Variants in RGS20 observed in about 807,000 individuals in gnomAD.
RGS20 encodes the protein regulator of G protein signaling 20.
RGS20 carries 30 observed loss-of-function variants against 33.6 expected under a neutral mutation model. The ratio of observed to expected loss-of-function variants is 0.89; its 90% CI spans 0.67 to 1.21. The LOEUF (loss-of-function observed/expected upper bound fraction) is 1.21, where lower values mean the gene tolerates loss of function less well. Ranked by LOEUF, RGS20 falls within the 50% of genes most tolerant of loss-of-function variation. The pLI, the probability that RGS20 is intolerant of heterozygous loss-of-function variation, is 0.00. For synonymous variants in RGS20, 208 were observed against 197.9 expected (o/e 1.05, Z -0.43); for missense variants, 472 against 502.4 (o/e 0.94, Z 0.58).
intron 2 of RGS20, among the ~76,000 whole-genome samples, chr8:53,922,940 C>T (rs796623697): frequency 3.9e-5 from 6 of 152,272 alleles, no homozygotes; most frequent in African/African-American, 1.4e-4. Context: ...GGATTACAGG[C>T]ATGAGAAAAT....
At chr8:53,936,177 G>A (rs1814125078) in intron 2 of RGS20, among the ~76,000 whole-genome samples, 1 of 152,124 alleles carries the variant, frequency 6.6e-6, no homozygotes, top group African/African-American at 2.4e-5. Context: ...CATTCCCTTT[G>A]AAAACTGGCA....
rs546916062 is a variant in RGS20, at chr8:53,922,372, C to T, written c.511-17204C>T. The stretch of plus-strand genomic sequence containing the variant: ...AGATATATATTTTTCCATCCTTTTA[C>T]TTTCTATCTATTTGCATTTTTGAAT... On this transcript the variant is annotated intron_variant, in intron 2 of 5. Transcript: ENST00000297313. 4.7e-4 allele frequency among the ~76,000 whole-genome samples: 71 copies of T among 151,956 alleles called. 3 individuals carry two copies. The South Asian group carries it at 0.014, about 31-fold the overall frequency.
intron 2 of RGS20, among the ~76,000 whole-genome samples, chr8:53,923,096 C>T (rs1030510539): frequency 1.3e-5 from 2 of 152,116 alleles, no homozygotes; most frequent in Non-Finnish European, 2.9e-5. Context: ...TCTCTCCCTA[C>T]TGTTTTGTGG....
chr8:53,895,789 C>T (rs1361329107), intron 2 of RGS20, among the ~76,000 whole-genome samples: 1 of 151,756 alleles, frequency 6.6e-6, no homozygotes, highest in African/African-American at 2.4e-5. Context: ...GGACTACAGG[C>T]ACCCGGAACC....
Position 53,939,590 on chromosome 8 carries a change from G to A in RGS20, c.525G>A (p.Glu175=). The A allele has an allele frequency of 6.2e-7, 1 of 1,601,036 alleles. No individual in the cohort carries two copies. Among genetic ancestry groups the A allele is most frequent in the Non-Finnish European group, 8.5e-7 (1 of 1,174,290 alleles). ...CCCTCTTGCAGCAGATGGGATCAGA[G>A]CGGATGGAGATGCGGAAGCGGCAGA... Residue 175 remains glutamate, a synonymous_variant, in exon 3 of 6, where the codon GAG becomes GAA. Coordinates refer to ENST00000297313, the MANE Select transcript of RGS20 (RefSeq NM_170587.4).
At chr8:53,912,480 A>G (rs976238737) in intron 2 of RGS20, among the ~76,000 whole-genome samples, 2 of 151,818 alleles carry the variant, frequency 1.3e-5, no homozygotes, top group African/African-American at 4.8e-5. Flanking sequence ...CTTGAATCAC[A>G]TTTAACTTCA....
At chr8:53,956,586 C>T (rs1352821578) in intron 5 of RGS20, among the ~76,000 whole-genome samples, 2 of 152,116 alleles carry the variant, frequency 1.3e-5, no homozygotes, top group Non-Finnish European at 2.9e-5. Flanking sequence ...TCAAATGACT[C>T]CCATATGTCT....
intron 2 of RGS20, among the ~76,000 whole-genome samples, chr8:53,885,216 C>A (rs1812505632): frequency 6.6e-6 from 1 of 152,206 alleles, no homozygotes; most frequent in Admixed American, 6.5e-5. Context: ...TGAAATCCTG[C>A]TGTTCTTTTA....
At chr8:53,934,670 TACACCCC>T (rs1814079328) in intron 2 of RGS20, among the ~76,000 whole-genome samples, 1 of 152,126 alleles carries the variant, frequency 6.6e-6, no homozygotes, top group South Asian at 2.1e-4. Context: ...TGGAGACTTT[TACACCCC>T]ACTGTCAATA....
chr8:53,919,949 C>T (rs968671797), intron 2 of RGS20, among the ~76,000 whole-genome samples: 1 of 151,708 alleles, frequency 6.6e-6, no homozygotes, highest in South Asian at 2.1e-4. Context: ...GATCTTGGCT[C>T]ACTGCAGCCT....
chr8:53,875,527 G>C (rs891536107), intron 1 of RGS20, among the ~76,000 whole-genome samples: 2 of 151,074 alleles, frequency 1.3e-5, no homozygotes, highest in Non-Finnish European at 2.9e-5. Flanking sequence ...CCTATGGCGA[G>C]AACAGAGGAC....
chr8:53,950,060 G>A (rs567744881), intron 4 of RGS20, among the ~76,000 whole-genome samples: 1 of 152,018 alleles, frequency 6.6e-6, no homozygotes, highest in South Asian at 2.1e-4. Context: ...GGCTGGTCTC[G>A]AACTCCTGAC....
chr8:53,881,082 C>T (rs1291780420), intron 2 of RGS20: 3 of 1,519,580 alleles, frequency 2.0e-6, no homozygotes, highest in Non-Finnish European at 2.6e-6. Context: ...GGACGGTGGG[C>T]TCGTGAGTAT....
intron 4 of RGS20, among the ~76,000 whole-genome samples, chr8:53,948,347 ATATATG>A (rs1814599743): frequency 7.1e-6 from 1 of 141,242 alleles, no homozygotes; most frequent in Admixed American, 7.2e-5. Context: ...GTATATATTT[ATATATG>A]CTATATATAA....
chr8:53,926,953 T>C (rs1216113874), intron 2 of RGS20, among the ~76,000 whole-genome samples: 1 of 152,098 alleles, frequency 6.6e-6, no homozygotes, highest in Non-Finnish European at 1.5e-5. Context: ...AGATAATTAG[T>C]TAGGTTAAAA....
At chr8:53,894,048 C>T (rs1812786901) in intron 2 of RGS20, among the ~76,000 whole-genome samples, 1 of 152,074 alleles carries the variant, frequency 6.6e-6, no homozygotes. Context: ...TCTATCAAGT[C>T]TGGTCTGATA....
At chr8:53,946,404 C>G in intron 3 of RGS20, 1 of 377,216 alleles carries the variant, frequency 2.7e-6, no homozygotes, top group South Asian at 2.9e-5. Flanking sequence ...TTTAAAAAAT[C>G]ATTATTCTAA....
At chr8:53,944,470 G>A (rs570973841) in intron 3 of RGS20, among the ~76,000 whole-genome samples, 5 of 151,916 alleles carry the variant, frequency 3.3e-5, no homozygotes, top group Admixed American at 6.6e-5. Flanking sequence ...CCCGGGAGGC[G>A]GAGGTTGTAG....
intron 2 of RGS20, among the ~76,000 whole-genome samples, chr8:53,913,051 C>T (rs181549772): frequency 1.8e-4 from 28 of 151,934 alleles, no homozygotes; most frequent in African/African-American, 6.8e-4. Flanking sequence ...CTGCAAACTC[C>T]GACTCCTGGG....
Sources: allele counts gnomAD v4.1 joint callset (sites outside exome capture counted in the v4.1 genomes callset), GRCh38; gene constraint gnomAD v4.1.1; transcripts MANE v1.5; gene names NCBI Gene and HGNC (gene_info 2026-07-23, HGNC 2026-07-21).